Variants in ZNF737 observed in about 807,000 individuals in gnomAD.
ZNF737 encodes the protein zinc finger protein 102 (Y3).
In ZNF737, 13 loss-of-function variants were observed where a neutral mutation model predicts 11.7. The observed-to-expected ratio is 1.11, with a 90% confidence interval of 0.73 to 1.77. ZNF737 has a LOEUF of 1.77. Among genes scored for constraint, ZNF737 ranks in the 40% most tolerant of loss-of-function variants. The pLI, the probability that ZNF737 is intolerant of heterozygous loss-of-function variation, is 0.00. For missense variants in ZNF737, 636 were observed against 638.0 expected (o/e 1.00, Z 0.03); for synonymous variants, 217 against 216.2 (o/e 1.00, Z -0.03).
At chr19:20,530,589 G>A in the ZNF737 span, among the ~76,000 whole-genome samples, 11 of 148,482 alleles carry the variant, frequency 7.4e-5, no homozygotes, top group Middle Eastern at 3.6e-3. Flanking sequence ...CCTCCCAGAC[G>A]GGGTCGTGGC....
At chr19:20,550,121 A>C (rs1244670270) in intron 3 of ZNF737, among the ~76,000 whole-genome samples, 2 of 152,164 alleles carry the variant, frequency 1.3e-5, no homozygotes, top group African/African-American at 4.8e-5. Context: ...AGTTCCTTTT[A>C]ATGTCTTAAA....
rs782658574 is a variant in ZNF737 at position 20,543,502 on chromosome 19, G to A, written c.*1090C>T. 210 of 985,074 alleles carry A rather than the reference G, an allele frequency of 2.1e-4. No individual in the cohort carries two copies. Among genetic ancestry groups the A allele is most frequent in the Non-Finnish European group, 2.4e-4 (203 of 829,708 alleles). The allele number at this position is 985,074 out of a possible 1,614,324, so 61.0% of individuals were successfully genotyped here. On this transcript the variant is annotated 3_prime_UTR_variant, in exon 4 of 4. Transcript: ENST00000427401. ...GATTTTTATGTTGAGTTAGATGTGA[G>A]TAGGAATTAATAGGTTTTCCATATT...
rs1968299394 is a variant in ZNF737, at chr19:20,543,398, ACT to A, written c.*1192_*1193del. ...TGTAATGCTTGTCTTCACAATAAATACTCTTCTTCACTTTAAAGGCTTATACT... is the reference window on the plus strand; with the variant it reads ...TGTAATGCTTGTCTTCACAATAAATACTTCTTCACTTTAAAGGCTTATACT... On this transcript the variant is annotated 3_prime_UTR_variant, in exon 4 of 4. Transcript: ENST00000427401. 1 of 986,252 alleles carries A rather than the reference ACT, an allele frequency of 1.0e-6. No individual in the cohort carries two copies. The highest frequency in any genetic ancestry group is 1.2e-6 in the Non-Finnish European group (1 of 829,678). 61.1% of individuals were successfully genotyped at this position (986,252 alleles called of 1,614,324 possible).
chr19:20,531,101 G>C (rs1322555540), downstream of ZNF737, among the ~76,000 whole-genome samples: 1 of 146,360 alleles, frequency 6.8e-6, no homozygotes, highest in African/African-American at 2.6e-5. Flanking sequence ...GGCGGCGCGC[G>C]CCTGCAATCG....
downstream of ZNF737, among the ~76,000 whole-genome samples, chr19:20,533,357 A>G (rs782400223): frequency 3.3e-5 from 5 of 149,734 alleles, no homozygotes; most frequent in African/African-American, 4.9e-5. Context: ...TCCACATTCA[A>G]TGTCTTTATT....
downstream of ZNF737, among the ~76,000 whole-genome samples, chr19:20,537,319 G>T (rs1422024496): frequency 6.6e-6 from 1 of 151,054 alleles, no homozygotes; most frequent in Admixed American, 6.6e-5. Context: ...TTCTGCCTCA[G>T]CCTCCCCAGT....
At chr19:20,563,552 C>T (rs1969186460) in intron 1 of ZNF737, among the ~76,000 whole-genome samples, 1 of 143,424 alleles carries the variant, frequency 7.0e-6, no homozygotes, top group Admixed American at 7.3e-5. Context: ...ATGGCATGAT[C>T]TTGGCTCACT....
At chr19:20,530,816 C>T in the ZNF737 span, among the ~76,000 whole-genome samples, 1 of 147,584 alleles carries the variant, frequency 6.8e-6, no homozygotes, top group Non-Finnish European at 1.5e-5. Context: ...CCTCACTTCC[C>T]AGACGGGGTG....
At chr19:20,531,541 C>T (rs558508895), downstream of ZNF737, among the ~76,000 whole-genome samples, 347 of 149,646 alleles carry the variant, frequency 2.3e-3, 20 homozygotes, top group African/African-American at 8.1e-3. Context: ...ACTGAAACCT[C>T]GGCCTCCCAG....
At chr19:20,563,654 T>C (rs1259627742) in intron 1 of ZNF737, among the ~76,000 whole-genome samples, 1 of 151,662 alleles carries the variant, frequency 6.6e-6, no homozygotes, top group Non-Finnish European at 1.5e-5. Context: ...CCCGGCTAAT[T>C]TTTGTATTTT....
Position 20,552,468 on chromosome 19 carries a change from C to T in ZNF737, c.226+7G>A, listed in dbSNP as rs373094203. The T allele has an allele frequency of 5.1e-6, 8 of 1,571,962 alleles. No homozygotes were observed. Among genetic ancestry groups the T allele is most frequent in the Non-Finnish European group, 6.9e-6 (8 of 1,163,980 alleles). ...CGTCTGCTATATTCATTTTCACTTG[C>T]ACCTACCTGAGGGGTTGGCTACCAT... is the stretch of plus-strand genomic sequence containing the variant. On this transcript the variant is annotated splice_region_variant and intron_variant, in intron 3 of 3. Coordinates refer to ENST00000427401, the MANE Select transcript of ZNF737 (RefSeq NM_001159293.2).
At chr19:20,555,808 G>A (rs1455380962) in intron 1 of ZNF737, among the ~76,000 whole-genome samples, 2 of 151,294 alleles carry the variant, frequency 1.3e-5, no homozygotes, top group African/African-American at 2.4e-5. Context: ...GCTGAGGCAC[G>A]TTTACCTAAA....
chr19:20,546,784 G>A (rs530611489), intron 3 of ZNF737, among the ~76,000 whole-genome samples: 3 of 152,186 alleles, frequency 2.0e-5, no homozygotes, highest in East Asian at 3.9e-4. Context: ...AAAAACTGAG[G>A]AGAAAGGATC....
chr19:20,559,666 C>T (rs1555761945), intron 1 of ZNF737, among the ~76,000 whole-genome samples: 2 of 152,162 alleles, frequency 1.3e-5, no homozygotes, highest in African/African-American at 2.4e-5. Context: ...AGTTTAACAA[C>T]TGTAAAAAGC....
At chr19:20,552,255 G>A (rs973813138) in intron 3 of ZNF737, among the ~76,000 whole-genome samples, 17 of 148,490 alleles carry the variant, frequency 1.1e-4, no homozygotes, top group African/African-American at 3.5e-4. Context: ...GGAGCTCACC[G>A]AAAGAAAAGT....
chr19:20,541,302 T>C lies in ZNF737; in HGVS notation c.*3290A>G. The C allele has an allele frequency of 1.0e-6, 1 of 984,070 alleles. No homozygotes were observed. The highest frequency in any genetic ancestry group is 1.2e-6 in the Non-Finnish European group (1 of 829,076). 61.0% of individuals were successfully genotyped at this position (984,070 alleles called of 1,614,324 possible). A position where few individuals can be genotyped will look rare whatever the true frequency, so the allele number is the denominator to read the frequency against. On this transcript the variant is annotated 3_prime_UTR_variant, in exon 4 of 4. Coordinates refer to ENST00000427401, the MANE Select transcript of ZNF737 (RefSeq NM_001159293.2). ...TTCATAATTTTCTTACACCTCAGGT[T>C]TATCTTCAGAGTAATATGTGTATAT... is the stretch of plus-strand genomic sequence containing the variant.
chr19:20,565,012 G>A (rs1400430137), intron 1 of ZNF737, among the ~76,000 whole-genome samples: 1 of 147,218 alleles, frequency 6.8e-6, no homozygotes, highest in Non-Finnish European at 1.5e-5. Flanking sequence ...TCAGCTCACT[G>A]CAACATCCAC....
In ZNF737 at chr19:20,543,934, C is replaced by T. The variant is rs1324234501; in HGVS notation, c.*658G>A. 17 of 773,794 alleles carry T rather than the reference C, an allele frequency of 2.2e-5. No homozygotes were observed. The highest frequency in any genetic ancestry group is 2.6e-4 in the East Asian group (2 of 7,706). 47.9% of individuals were successfully genotyped at this position (773,794 alleles called of 1,614,324 possible). A position where few individuals can be genotyped will look rare whatever the true frequency, so the allele number is the denominator to read the frequency against. On this transcript the variant is annotated 3_prime_UTR_variant, in exon 4 of 4. Coordinates refer to ENST00000427401, the MANE Select transcript of ZNF737 (RefSeq NM_001159293.2). ...CCTGAGGTCAGGAGTTCGAGACCAG[C>T]CTGGCAAACATGGCGAAGTCGCATC...
downstream of ZNF737, among the ~76,000 whole-genome samples, chr19:20,534,463 A>ATCTG (rs1345930936): frequency 3.4e-5 from 5 of 148,452 alleles, no homozygotes; most frequent in African/African-American, 1.0e-4. Context: ...ATATCTATCT[A>ATCTG]TCTATCTATC....
Sources: gnomAD v4.1 joint callset for allele counts (sites outside exome capture counted in the v4.1 genomes callset) on GRCh38, gnomAD v4.1.1 for gene constraint, MANE v1.5 for transcripts, NCBI Gene and HGNC (gene_info 2026-07-23, HGNC 2026-07-21) for gene names.